The following MYO5B variants were observed in gnomAD, a reference collection of about 807,000 sequenced individuals.
The protein encoded by MYO5B is unconventional myosin-Vb.
A neutral mutation model predicts 229.3 loss-of-function variants in MYO5B; 143 were observed. The observed-to-expected ratio is 0.62, with a 90% CI of 0.54 to 0.72. The LOEUF is 0.72. MYO5B is among the 30% of genes least tolerant of loss of function. The pLI, the probability that MYO5B is intolerant of heterozygous loss-of-function variation, is 0.00. For missense variants in MYO5B, 2,321 were observed against 2,331.0 expected, an observed-to-expected ratio of 1.00 and a Z score of 0.09; for synonymous variants, 918 against 885.2, an observed-to-expected ratio of 1.04 and a Z score of -0.66.
rs144478935 is a variant in MYO5B at position 50,112,998 on chromosome 18, G to A, written c.28-57620C>T. ...TCCACATAATGAAGGTTACATGGAC[G>A]TTGAGTGCCTGCTTATAAATAACGC... On this transcript the variant is annotated intron_variant, in intron 1 of 39. Coordinates refer to ENST00000285039, the MANE Select transcript of MYO5B (RefSeq NM_001080467.3). Among the ~76,000 whole-genome samples, 562 of 152,218 alleles carry A rather than the reference G, an allele frequency of 3.7e-3. 3 individuals are homozygous for A. The highest frequency in any genetic ancestry group is 0.013 in the African/African-American group (534 of 41,524).
intron 27 of MYO5B, among the ~76,000 whole-genome samples, chr18:49,870,357 C>A (rs1305116183): frequency 1.3e-5 from 2 of 152,128 alleles, no homozygotes; most frequent in East Asian, 3.9e-4. Context: ...AAACATAGGG[C>A]AAAAGCCTTA....
In MYO5B at chr18:49,951,500, A is replaced by T. The variant is rs79743919; in HGVS notation, c.1752+1760T>A. Among the ~76,000 whole-genome samples, 605 of 152,308 alleles carry T rather than the reference A, an allele frequency of 4.0e-3. 6 individuals are homozygous for T. The highest frequency in any genetic ancestry group is 0.014 in the African/African-American group (574 of 41,576). On this transcript the variant is annotated intron_variant, in intron 14 of 39. Transcript: ENST00000285039. Reference sequence around the variant, plus strand: ...CACAAATATTCAATAAAGCTGATAAATAAAAATAAGGGAAAAGCAGCTCAG... The same window carrying T: ...CACAAATATTCAATAAAGCTGATAATTAAAAATAAGGGAAAAGCAGCTCAG...
At chr18:49,910,433 G>A (rs745445321) in intron 18 of MYO5B, among the ~76,000 whole-genome samples, 8 of 152,102 alleles carry the variant, frequency 5.3e-5, no homozygotes, top group Non-Finnish European at 1.0e-4. Flanking sequence ...CTTTAACAGA[G>A]ATTTTTCTTG....
chr18:50,003,387 T>C (rs1443583246), intron 4 of MYO5B, among the ~76,000 whole-genome samples: 1 of 152,246 alleles, frequency 6.6e-6, no homozygotes, highest in African/African-American at 2.4e-5. Context: ...TAAGACATCA[T>C]TGTAGTCAGA....
intron 1 of MYO5B, among the ~76,000 whole-genome samples, chr18:50,077,314 T>C (rs2031106619): frequency 6.6e-6 from 1 of 151,528 alleles, no homozygotes; most frequent in African/African-American, 2.4e-5. Context: ...GCTTTGCACA[T>C]AAACAGGGTT....
At chr18:50,021,971 G>A (rs1228400257) in intron 4 of MYO5B, among the ~76,000 whole-genome samples, 1 of 152,096 alleles carries the variant, frequency 6.6e-6, no homozygotes, top group East Asian at 1.9e-4. Context: ...TGTTTTACCT[G>A]CATTGTACAG....
chr18:49,823,616 T>G lies in MYO5B; in HGVS notation c.*2855A>C, dbSNP rs1013676815. 5 of 152,222 alleles carry G rather than the reference T, an allele frequency of 3.3e-5. No homozygotes were observed. Among genetic ancestry groups the G allele is most frequent in the African/African-American group, 1.2e-4 (5 of 41,466 alleles). 9.4% of individuals were successfully genotyped at this position (152,222 alleles called of 1,614,324 possible). On this transcript the variant is annotated 3_prime_UTR_variant, in exon 40 of 40. Transcript: ENST00000285039. ...TTACAAAAGCCTTAAAATTTAGTAC[T>G]AGGGAAATCAAAGGAAGCAACTCCC...
Position 49,954,328 on chromosome 18 carries a change from G to A in MYO5B, c.1653C>T (p.Val551=). ...PRMSNTAFII[V]HFADKVEYLS... is the part of the protein sequence containing the mutation. Reference sequence around the variant, plus strand: ...GGAGAGCCACCTTGTCTGCAAAGTGGACGATGATGAAGGCCGTGTTGGACA... The same window carrying A: ...GGAGAGCCACCTTGTCTGCAAAGTGAACGATGATGAAGGCCGTGTTGGACA... The change falls in exon 13 of 40, where the codon GTC becomes GTT. Residue 551 remains valine, a synonymous_variant. Transcript: ENST00000285039. The A allele has an allele frequency of 6.2e-7, 1 of 1,614,006 alleles. No homozygotes were observed. The highest frequency in any genetic ancestry group is 8.5e-7 in the Non-Finnish European group (1 of 1,179,948).
intron 16 of MYO5B, among the ~76,000 whole-genome samples, chr18:49,935,359 G>A (rs1623880): frequency 0.53 from 80,541 of 152,044 alleles, 21,732 homozygotes; most frequent in Middle Eastern, 0.71. Context: ...CGTGACAAGC[G>A]GCTCCCACAC....
chr18:50,053,598 TTCTCA>T (rs1248154459), intron 2 of MYO5B, among the ~76,000 whole-genome samples: 1 of 152,140 alleles, frequency 6.6e-6, no homozygotes, highest in Non-Finnish European at 1.5e-5. Context: ...GGAGTTGTGC[TTCTCA>T]TCTCAAAAGC....
intron 1 of MYO5B, among the ~76,000 whole-genome samples, chr18:50,146,818 G>A (rs1434917645): frequency 6.6e-6 from 1 of 152,190 alleles, no homozygotes; most frequent in Non-Finnish European, 1.5e-5. Context: ...CGTATTTAGC[G>A]TTGTGTAGAC....
intron 2 of MYO5B, among the ~76,000 whole-genome samples, chr18:50,046,365 A>C (rs1326721765): frequency 2.0e-5 from 3 of 152,224 alleles, no homozygotes; most frequent in Non-Finnish European, 4.4e-5. Context: ...ATGCACAGCC[A>C]AAGTTGAGAA....
intron 4 of MYO5B, among the ~76,000 whole-genome samples, chr18:50,021,269 C>T (rs1431825415): frequency 6.6e-6 from 1 of 152,194 alleles, no homozygotes; most frequent in African/African-American, 2.4e-5. Flanking sequence ...AGCCTGGCAA[C>T]ACTTTGGAGG....
intron 22 of MYO5B, among the ~76,000 whole-genome samples, chr18:49,881,822 C>T (rs118032047): frequency 1.4e-5 from 2 of 147,342 alleles, no homozygotes; most frequent in Non-Finnish European, 1.5e-5. Context: ...AAAAAAAGTG[C>T]GAAGAAAGTT....
At chr18:49,964,768 C>T (rs145292622) in intron 10 of MYO5B, among the ~76,000 whole-genome samples, 21 of 152,262 alleles carry the variant, frequency 1.4e-4, no homozygotes, top group East Asian at 9.7e-4. Flanking sequence ...CTTACCTGAG[C>T]GCTTTGTATC....
chr18:50,070,801 C>T (rs549431724), intron 1 of MYO5B, among the ~76,000 whole-genome samples: 3 of 151,896 alleles, frequency 2.0e-5, no homozygotes, highest in Non-Finnish European at 4.4e-5. Context: ...CCTGCACACC[C>T]CCACTGCCCC....
At chr18:50,008,823 A>T (rs1449420242) in intron 4 of MYO5B, among the ~76,000 whole-genome samples, 1 of 152,216 alleles carries the variant, frequency 6.6e-6, no homozygotes, top group Non-Finnish European at 1.5e-5. Context: ...TATTCTGTTC[A>T]CTAATGGGAT....
At chr18:50,155,387 G>T (rs2032663206) in intron 1 of MYO5B, among the ~76,000 whole-genome samples, 1 of 152,076 alleles carries the variant, frequency 6.6e-6, no homozygotes, top group Non-Finnish European at 1.5e-5. Flanking sequence ...TGATTTAAAA[G>T]AACTACAAAT....
At chr18:50,088,755 T>C (rs1048792164) in intron 1 of MYO5B, among the ~76,000 whole-genome samples, 2 of 152,262 alleles carry the variant, frequency 1.3e-5, no homozygotes, top group African/African-American at 4.8e-5. Flanking sequence ...ATTTATAGCA[T>C]AGCAATTCAT....
Sources: allele counts gnomAD v4.1 joint callset (sites outside exome capture counted in the v4.1 genomes callset), GRCh38; gene constraint gnomAD v4.1.1; transcripts MANE v1.5; gene names NCBI Gene and HGNC (gene_info 2026-07-23, HGNC 2026-07-21).